SPHKAP: variants seen among roughly 807,000 people sequenced by gnomAD.
SPHKAP encodes the protein A-kinase anchor protein SPHKAP.
In SPHKAP, 67 loss-of-function variants were observed where a neutral mutation model predicts 137.5. The ratio of observed to expected loss-of-function variants is 0.49; its 90% CI spans 0.40 to 0.60. The LOEUF (loss-of-function observed/expected upper bound fraction) is 0.60, where lower values mean the gene tolerates loss of function less well. Among genes scored for constraint, SPHKAP ranks in the 20% least tolerant of loss-of-function variants. The pLI, the probability that SPHKAP is intolerant of heterozygous loss-of-function variation, is 0.00. For missense variants in SPHKAP, 2,097 were observed against 2,069.3 expected (o/e 1.01, Z -0.26); for synonymous variants, 813 against 785.3 (o/e 1.04, Z -0.59).
chr2:228,019,250 G>A lies in SPHKAP; in HGVS notation c.1604C>T (p.Ala535Val), dbSNP rs755247779. ...VSNFPPGSSG[A>V]LQTQAPQGLK... ...TCCTTGGGGTGCTTGAGTTTGCAGT[G>A]CACCACTGCTCCCTGGGGGAAAGTT... The change falls in exon 7 of 12, where the codon GCA becomes GTA. Residue 535 changes from alanine to valine, a missense_variant. Physicochemically the swap from Ala to Val is moderately conservative, Grantham distance 64 (BLOSUM62 0). Transcript: ENST00000392056. 1.9e-6 allele frequency: 3 copies of A among 1,613,940 alleles called. No individual in the cohort carries two copies. Among genetic ancestry groups the A allele is most frequent in the African/African-American group, 1.3e-5 (1 of 75,058 alleles).
chr2:228,151,546 T>G (rs1486758332), intron 1 of SPHKAP, among the ~76,000 whole-genome samples: 3 of 152,206 alleles, frequency 2.0e-5, no homozygotes, highest in African/African-American at 7.2e-5. Flanking sequence ...TACAGTCCCG[T>G]TAACATTGTA....
intron 7 of SPHKAP, among the ~76,000 whole-genome samples, chr2:228,006,060 G>T (rs1257960476): frequency 6.6e-6 from 1 of 152,124 alleles, no homozygotes; most frequent in African/African-American, 2.4e-5. Flanking sequence ...GGCGTTCTCT[G>T]TATTTCCTGA....
chr2:228,036,762 T>C (rs1191240016), intron 3 of SPHKAP, among the ~76,000 whole-genome samples: 1 of 152,058 alleles, frequency 6.6e-6, no homozygotes, highest in African/African-American at 2.4e-5. Context: ...AAACCATCAT[T>C]TTCCGAAAAC....
rs750731787 is a variant in SPHKAP, at chr2:228,018,047, G to A, written c.2807C>T (p.Thr936Met). Residue 936 changes from threonine to methionine, a missense_variant, in exon 7 of 12, where the codon ACG becomes ATG. By Grantham distance (81) the Thr-to-Met change is moderately conservative. Transcript: ENST00000392056. ...ITDFAEELAD[T>M]VVSMATEIAA... ...AATTTCAGTTGCCATGGAGACGACC[G>A]TGTCTGCTAATTCTTCCGCAAAGTC... 10 of 1,614,170 alleles carry A rather than the reference G, an allele frequency of 6.2e-6. No homozygotes were observed. The highest frequency in any genetic ancestry group is 2.2e-5 in the South Asian group (2 of 91,076).
chr2:228,131,308 T>C, intron 2 of SPHKAP: 2 of 985,226 alleles, frequency 2.0e-6, no homozygotes, highest in Non-Finnish European at 1.2e-6. Flanking sequence ...AAGAAACATA[T>C]ACTTCCCTGG....
chr2:228,036,328 A>G (rs911208370), intron 3 of SPHKAP, among the ~76,000 whole-genome samples: 2 of 152,252 alleles, frequency 1.3e-5, no homozygotes, highest in African/African-American at 4.8e-5. Context: ...CAAAACCACG[A>G]TGAGATACCA....
intron 3 of SPHKAP, among the ~76,000 whole-genome samples, chr2:228,061,186 G>A (rs908827624): frequency 4.6e-5 from 7 of 152,180 alleles, no homozygotes; most frequent in Non-Finnish European, 7.3e-5. Flanking sequence ...ACAAGTATAC[G>A]TGAGGGATGG....
rs1325743568 is a variant in SPHKAP at position 228,181,143 on chromosome 2, G to A, written c.32+424C>T. On this transcript the variant is annotated intron_variant, in intron 1 of 11. Transcript: ENST00000392056. The surrounding 1 kb of genome is among the most constrained non-coding windows in gnomAD (Gnocchi z 4.3). ...CCAGACACCCGCCCAGGTCAAGGTGGAAGGAAAGCGGGGGTACTTTGCCCT... is the reference window on the plus strand; with the variant it reads ...CCAGACACCCGCCCAGGTCAAGGTGAAAGGAAAGCGGGGGTACTTTGCCCT... 1.3e-5 allele frequency among the ~76,000 whole-genome samples: 2 copies of A among 152,162 alleles called. No individual in the cohort carries two copies. Among genetic ancestry groups the A allele is most frequent in the Non-Finnish European group, 2.9e-5 (2 of 68,040 alleles).
chr2:227,982,461 C>A (rs1693036410), intron 11 of SPHKAP: 2 of 674,438 alleles, frequency 3.0e-6, no homozygotes, highest in Non-Finnish European at 1.8e-6. Context: ...GTATTGGTAC[C>A]AGTTCTATTG....
In SPHKAP at chr2:228,001,268, T is replaced by TAA. The variant is rs397934295; in HGVS notation, c.4449-5576_4449-5575dup. ...ATATATACACACACACACACATATA[T>TAA]AAATATATCTATACATATATCTATA... On this transcript the variant is annotated intron_variant, in intron 7 of 11. Transcript: ENST00000392056. Among the ~76,000 whole-genome samples, 23 of 110,462 alleles carry TAA rather than the reference T, an allele frequency of 2.1e-4. No individual in the cohort carries two copies. In the South Asian group the frequency reaches 3.3e-3, roughly 16 times the overall value. 72.5% of individuals were successfully genotyped at this position (110,462 alleles called of 152,430 possible).
chr2:228,156,080 A>G (rs1012911639), intron 1 of SPHKAP, among the ~76,000 whole-genome samples: 2 of 152,302 alleles, frequency 1.3e-5, no homozygotes, highest in Non-Finnish European at 2.9e-5. Context: ...CACTAAGAGA[A>G]AAAGACTCTT....
chr2:228,100,068 T>C (rs1396115785), intron 3 of SPHKAP, among the ~76,000 whole-genome samples: 5 of 152,134 alleles, frequency 3.3e-5, no homozygotes, highest in Non-Finnish European at 7.4e-5. Context: ...GCCAGGATGG[T>C]CTCGATCTCC....
At chr2:227,982,210 G>T (rs1259607174) in intron 11 of SPHKAP, 16 of 985,034 alleles carry the variant, frequency 1.6e-5, no homozygotes, top group Non-Finnish European at 1.9e-5. Context: ...TAATAGGATT[G>T]TGTATTACAG....
In SPHKAP at chr2:228,016,833, G is replaced by T. The variant is rs1431289147; in HGVS notation, c.4021C>A (p.Pro1341Thr). Residue 1341 changes from proline to threonine, a missense_variant, in exon 7 of 12, where the codon CCC becomes ACC. Pro to Thr is a conservative substitution (Grantham distance 38). Transcript: ENST00000392056. ...TTTGCACACTTCTCTGCTTGCGAGG[G>T]AGAGCCACCAGAAACAGGCTCAGTG... ...ADTEPVSGGS[P>T]SQAEKCANRL... 1 of 1,614,016 alleles carries T rather than the reference G, an allele frequency of 6.2e-7. No individual in the cohort carries two copies. The highest frequency in any genetic ancestry group is 8.5e-7 in the Non-Finnish European group (1 of 1,180,010).
intron 3 of SPHKAP, among the ~76,000 whole-genome samples, chr2:228,108,542 AC>A (rs1159864367): frequency 6.6e-6 from 1 of 152,152 alleles, no homozygotes; most frequent in Non-Finnish European, 1.5e-5. Context: ...ATGGCTTTCT[AC>A]TTCTCATCAT....
chr2:228,088,506 G>T (rs901306693), intron 3 of SPHKAP, among the ~76,000 whole-genome samples: 1 of 152,110 alleles, frequency 6.6e-6, no homozygotes, highest in Non-Finnish European at 1.5e-5. Context: ...AGTTAAGCAG[G>T]AGTACAGGAA....
chr2:228,172,461 A>T (rs941628258), intron 1 of SPHKAP, among the ~76,000 whole-genome samples: 1 of 152,292 alleles, frequency 6.6e-6, no homozygotes, highest in African/African-American at 2.4e-5. Flanking sequence ...TCATCGTCAT[A>T]TCAATACATC....
chr2:228,068,373 A>C (rs564135112), intron 3 of SPHKAP, among the ~76,000 whole-genome samples: 9 of 152,258 alleles, frequency 5.9e-5, no homozygotes, highest in Non-Finnish European at 1.0e-4. Context: ...AGAAAAAAAA[A>C]ACAACACCTT....
intron 1 of SPHKAP, among the ~76,000 whole-genome samples, chr2:228,165,454 C>T (rs894614422): frequency 2.6e-5 from 4 of 152,128 alleles, no homozygotes; most frequent in Non-Finnish European, 5.9e-5. Context: ...AAATAACTAC[C>T]AGTGCATTAA....
Sources: gnomAD v4.1 joint callset for allele counts (sites outside exome capture counted in the v4.1 genomes callset) on GRCh38, gnomAD v4.1.1 for gene constraint, Gnocchi (gnomAD v3.1) non-coding constraint, MANE v1.5 for transcripts, NCBI Gene and HGNC (gene_info 2026-07-23, HGNC 2026-07-21) for gene names.